The following STAT1 variants were observed in gnomAD, a reference collection of about 807,000 sequenced individuals.
STAT1 encodes signal transducer and activator of transcription 1-alpha/beta.
In STAT1, 24 loss-of-function variants were observed where a neutral mutation model predicts 111.7. That is an observed-to-expected ratio of 0.21 (90% CI 0.16 to 0.30). The LOEUF is 0.30. Among genes scored for constraint, STAT1 ranks in the 10% least tolerant of loss-of-function variants. The pLI is 1.00. For missense variants in STAT1, 351 were observed against 911.9 expected (o/e 0.38, Z 7.92); for synonymous variants, 332 against 326.5 (o/e 1.02, Z -0.18).
intron 11 of STAT1, among the ~76,000 whole-genome samples, 182 bp downstream of exon 11, chr2:190,991,046 C>A (rs956399759): frequency 6.6e-6 from 1 of 152,158 alleles, no homozygotes; most frequent in African/African-American, 2.4e-5. Context: ...ATATCAGTTA[C>A]ATTTCTACTA....
intron 2 of STAT1, among the ~76,000 whole-genome samples, 198 bp downstream of exon 2, chr2:191,013,327 T>C (rs1168064122): frequency 6.6e-6 from 1 of 152,208 alleles, no homozygotes; most frequent in Non-Finnish European, 1.5e-5. Flanking sequence ...CACCTCTGCA[T>C]ACCTACCACA....
In STAT1 at chr2:190,978,448, G is replaced by A. The variant is rs1559006626; in HGVS notation, c.1873+408C>T. The A allele has an allele frequency of 3.6e-6, 1 of 275,364 alleles. No individual in the cohort carries two copies. Among genetic ancestry groups the A allele is most frequent in the East Asian group, 8.3e-5 (1 of 11,998 alleles). 17.1% of individuals were successfully genotyped at this position (275,364 alleles called of 1,614,324 possible). A position where few individuals can be genotyped will look rare whatever the true frequency, so the allele number is the denominator to read the frequency against. On this transcript the variant is annotated intron_variant, in intron 21 of 24. Coordinates refer to ENST00000361099, the MANE Select transcript of STAT1 (RefSeq NM_007315.4). This position sits in a 1 kb window ranked among gnomAD's most constrained non-coding sequence, Gnocchi z 6.1. ...CTGCATCAACTCCCTGGCTGATGAT[G>A]TGTATGAAGTCTTCTCCCGAAGCCT... is the stretch of plus-strand genomic sequence containing the variant.
Position 190,977,807 on chromosome 2 carries a change from A to G in STAT1, c.1874-782T>C, listed in dbSNP as rs1223876030. 6.6e-6 allele frequency among the ~76,000 whole-genome samples: 1 copy of G among 152,132 alleles called. No homozygotes were observed. The highest frequency in any genetic ancestry group is 1.5e-5 in the Non-Finnish European group (1 of 68,024). Reference sequence around the variant, plus strand: ...GTCTCTCAGCTGGTTCAGGAAGGGAACAGGATAAGAGGAAAAGGGCAGGTT... The same window carrying G: ...GTCTCTCAGCTGGTTCAGGAAGGGAGCAGGATAAGAGGAAAAGGGCAGGTT... On this transcript the variant is annotated intron_variant, in intron 21 of 24. Coordinates refer to ENST00000361099, the MANE Select transcript of STAT1 (RefSeq NM_007315.4). This position sits in a 1 kb window ranked among gnomAD's most constrained non-coding sequence, Gnocchi z 4.7.
rs772191053 is a variant in STAT1, at chr2:190,982,361, TAAC to T, written c.1582+19_1582+21del. 3.7e-6 allele frequency: 6 copies of T among 1,613,612 alleles called. No individual in the cohort carries two copies. Among genetic ancestry groups the T allele is most frequent in the African/African-American group, 1.3e-5 (1 of 74,932 alleles). On this transcript the variant is annotated intron_variant, in intron 18 of 24. Coordinates refer to ENST00000361099, the MANE Select transcript of STAT1 (RefSeq NM_007315.4). This position sits in a 1 kb window ranked among gnomAD's most constrained non-coding sequence, Gnocchi z 7.3. ...TTATGAATTTCAATTTTTATAAACA[TAAC>T]AAGTTAATATGCATATACCAAGAAG...
chr2:190,998,619 G>A lies in STAT1; in HGVS notation c.542-311C>T, dbSNP rs904651296. ...GGAGCTTGGAGTGAGCCGAGATCTC[G>A]CCACTGCACTCTAGCCTGGGCGACA... is the stretch of plus-strand genomic sequence containing the variant. On this transcript the variant is annotated intron_variant, in intron 7 of 24. Transcript: ENST00000361099. The surrounding 1 kb of genome is among the most constrained non-coding windows in gnomAD (Gnocchi z 4.1). Among the ~76,000 whole-genome samples the A allele has an allele frequency of 4.0e-5, 6 of 149,852 alleles. No homozygotes were observed. The highest frequency in any genetic ancestry group is 9.8e-5 in the African/African-American group (4 of 40,644).
chr2:190,992,481 A>C (rs1237091526), intron 10 of STAT1, among the ~76,000 whole-genome samples: 1 of 152,236 alleles, frequency 6.6e-6, no homozygotes, highest in Non-Finnish European at 1.5e-5. Context: ...GAATAAAAAA[A>C]AAAAGTCAGT....
Position 190,976,515 on chromosome 2 carries a change from A to C in STAT1, c.2059+325T>G, listed in dbSNP as rs1691916350. ...CCAGGCCTCAGTTTCCTCAACTTTA[A>C]CGTGAGCAAGATGCCTTCTGTTGGT... On this transcript the variant is annotated intron_variant, in intron 22 of 24. Transcript: ENST00000361099. This position sits in a 1 kb window ranked among gnomAD's most constrained non-coding sequence, Gnocchi z 6.0. Among the ~76,000 whole-genome samples, 1 of 152,172 alleles carries C rather than the reference A, an allele frequency of 6.6e-6. No individual in the cohort carries two copies. The highest frequency in any genetic ancestry group is 6.5e-5 in the Admixed American group (1 of 15,274).
In STAT1 at chr2:190,977,097, T is replaced by G; in HGVS notation, c.1874-72A>C. The G allele has an allele frequency of 1.4e-6, 2 of 1,476,606 alleles. No homozygotes were observed. Among genetic ancestry groups the G allele is most frequent in the Non-Finnish European group, 1.9e-6 (2 of 1,057,320 alleles). 91.5% of individuals were successfully genotyped at this position (1,476,606 alleles called of 1,614,324 possible). A position where few individuals can be genotyped will look rare whatever the true frequency, so the allele number is the denominator to read the frequency against. On this transcript the variant is annotated intron_variant, in intron 21 of 24. Coordinates refer to ENST00000361099, the MANE Select transcript of STAT1 (RefSeq NM_007315.4). The surrounding 1 kb of genome is among the most constrained non-coding windows in gnomAD (Gnocchi z 4.7). ...GAAAGAGGACAGAGAAATAAAACAC[T>G]GCAGAGTTGATGGATTTGAGTGAAC...
rs1693240733 is a variant in STAT1 at position 190,990,634 on chromosome 2, C to T, written c.1037+594G>A. Among the ~76,000 whole-genome samples, 1 of 152,072 alleles carries T rather than the reference C, an allele frequency of 6.6e-6. No homozygotes were observed. Among genetic ancestry groups the T allele is most frequent in the African/African-American group, 2.4e-5 (1 of 41,406 alleles). On this transcript the variant is annotated intron_variant, in intron 11 of 24. Transcript: ENST00000361099. The surrounding 1 kb of genome is among the most constrained non-coding windows in gnomAD (Gnocchi z 5.1). ...TCTCTATATGAAATATTTGTGTAGA[C>T]ATGGAATCCTAATTTTTTAAAAAGG...
At chr2:191,005,141 C>A (rs1021185436) in intron 5 of STAT1, among the ~76,000 whole-genome samples, 12 of 152,132 alleles carry the variant, frequency 7.9e-5, no homozygotes, top group Admixed American at 7.9e-4. Context: ...TGAACTAACT[C>A]GGAATTTTGC....
At position 190,982,117 on chromosome 2, in the gene STAT1, T is replaced by C. The variant is rs539142095; in HGVS notation, c.1582+266A>G. On this transcript the variant is annotated intron_variant, in intron 18 of 24. Transcript: ENST00000361099. This position sits in a 1 kb window ranked among gnomAD's most constrained non-coding sequence, Gnocchi z 7.3. ...GCCACAAATAATATATTTTACATAA[T>C]TCATAAAACTTTCCCTTGGGAATTC... Among the ~76,000 whole-genome samples the C allele has an allele frequency of 2.0e-5, 3 of 152,362 alleles. No homozygotes were observed. In the East Asian group the frequency reaches 5.8e-4, roughly 29 times the overall value.
Position 190,971,918 on chromosome 2 carries a change from G to C in STAT1, c.2239-1201C>G, listed in dbSNP as rs1044837701. Among the ~76,000 whole-genome samples, 1 of 152,034 alleles carries C rather than the reference G, an allele frequency of 6.6e-6. No homozygotes were observed. Among genetic ancestry groups the C allele is most frequent in the Non-Finnish European group, 1.5e-5 (1 of 68,002 alleles). On this transcript the variant is annotated intron_variant, in intron 24 of 24. Coordinates refer to ENST00000361099, the MANE Select transcript of STAT1 (RefSeq NM_007315.4). The surrounding 1 kb of genome is among the most constrained non-coding windows in gnomAD (Gnocchi z 4.1). Reference sequence around the variant, plus strand: ...AGTAGAGATGGGGTTTCACCGTGTTGGCCAGGCTGGTCTCAAACTCCTGAT... The same window carrying C: ...AGTAGAGATGGGGTTTCACCGTGTTCGCCAGGCTGGTCTCAAACTCCTGAT...
rs1344534565 is a variant in STAT1, at chr2:190,990,071, T to C, written c.1038-397A>G. Reference sequence around the variant, plus strand: ...TATTAAAACTTGTATCTAATCTTTGTCCTGTTGGGAGACAATAAAAACTAT... The same window carrying C: ...TATTAAAACTTGTATCTAATCTTTGCCCTGTTGGGAGACAATAAAAACTAT... On this transcript the variant is annotated intron_variant, in intron 11 of 24. Coordinates refer to ENST00000361099, the MANE Select transcript of STAT1 (RefSeq NM_007315.4). This position sits in a 1 kb window ranked among gnomAD's most constrained non-coding sequence, Gnocchi z 5.1. Among the ~76,000 whole-genome samples the C allele has an allele frequency of 6.6e-6, 1 of 152,220 alleles. No homozygotes were observed. Among genetic ancestry groups the C allele is most frequent in the Non-Finnish European group, 1.5e-5 (1 of 68,030 alleles).
chr2:190,997,895 C>A lies in STAT1; in HGVS notation c.746G>T (p.Gly249Val). ...ATCCAAGCAAGCATTGGGCGGCCCC[C>A]CAATACAGGCGCTCTGCTGTCTCCG... ...WKRRQQSACI[G>V]GPPNACLDQL... Residue 249 changes from glycine (G) to valine (V), a missense_variant, in exon 9 of 25, where the codon GGG (glycine) becomes GTG (valine). Around this residue, in one of 7 missense-constraint regions of STAT1, gnomAD observed 67 missense variants for 158.9 expected, o/e 0.42. Coordinates refer to ENST00000361099, the MANE Select transcript of STAT1 (RefSeq NM_007315.4). This position sits in a 1 kb window ranked among gnomAD's most constrained non-coding sequence, Gnocchi z 7.3. 6.2e-7 allele frequency: 1 copy of A among 1,614,226 alleles called. No homozygotes were observed. Among genetic ancestry groups the A allele is most frequent in the Non-Finnish European group, 8.5e-7 (1 of 1,180,048 alleles).
At position 190,998,698 on chromosome 2, in the gene STAT1, A is replaced by T. The variant is rs1694036650; in HGVS notation, c.542-390T>A. Among the ~76,000 whole-genome samples, 1 of 151,326 alleles carries T rather than the reference A, an allele frequency of 6.6e-6. No homozygotes were observed. The highest frequency in any genetic ancestry group is 1.5e-5 in the Non-Finnish European group (1 of 67,816). On this transcript the variant is annotated intron_variant, in intron 7 of 24. Coordinates refer to ENST00000361099, the MANE Select transcript of STAT1 (RefSeq NM_007315.4). The surrounding 1 kb of genome is among the most constrained non-coding windows in gnomAD (Gnocchi z 4.1). ...AAAAAAAACAAAAAAAAAACAAAAA[A>T]AACTTGTTTTCAGTGACCCATGTAA...
chr2:191,007,263 A>G lies in STAT1; in HGVS notation c.372+300T>C, dbSNP rs545277524. ...AGAGGCCTTTCCTGACCCTGATCTA[A>G]AGGAACAACCCCACTCCCAGCCACT... On this transcript the variant is annotated intron_variant, in intron 5 of 24. Transcript: ENST00000361099. This position sits in a 1 kb window ranked among gnomAD's most constrained non-coding sequence, Gnocchi z 4.2. Among the ~76,000 whole-genome samples the G allele has an allele frequency of 4.1e-4, 62 of 152,204 alleles. No homozygotes were observed. The highest frequency in any genetic ancestry group is 6.9e-4 in the Non-Finnish European group (47 of 68,008).
chr2:190,991,956 T>G (rs1034483041), intron 10 of STAT1, among the ~76,000 whole-genome samples: 1 of 152,224 alleles, frequency 6.6e-6, no homozygotes, highest in Non-Finnish European at 1.5e-5. Context: ...AGTAATGTTT[T>G]TAAATTTTAA....
rs1181841201 is a variant in STAT1 at position 191,004,168 on chromosome 2, C to T, written c.373-3005G>A. ...CTTCCCTCCACCCTGCCCCCATCTG[C>T]TAAGCAGATGCTTGGCTGCTCCTGT... On this transcript the variant is annotated intron_variant, in intron 5 of 24. Transcript: ENST00000361099. This position sits in a 1 kb window ranked among gnomAD's most constrained non-coding sequence, Gnocchi z 5.0. 6.6e-6 allele frequency among the ~76,000 whole-genome samples: 1 copy of T among 152,204 alleles called. No individual in the cohort carries two copies. Among genetic ancestry groups the T allele is most frequent in the Non-Finnish European group, 1.5e-5 (1 of 68,040 alleles).
At position 190,979,171 on chromosome 2, in the gene STAT1, T is replaced by G. The variant is rs1692143630; in HGVS notation, c.1728-170A>C. 6.6e-6 allele frequency among the ~76,000 whole-genome samples: 1 copy of G among 152,236 alleles called. No homozygotes were observed. The highest frequency in any genetic ancestry group is 1.5e-5 in the Non-Finnish European group (1 of 68,046). On this transcript the variant is annotated intron_variant, in intron 20 of 24. Transcript: ENST00000361099. The surrounding 1 kb of genome is among the most constrained non-coding windows in gnomAD (Gnocchi z 5.8). ...TTGACACTTAAGGAAGCATTTCACT[T>G]ATACATGTATATACTAAGGTTTTAA...
Sources: allele counts gnomAD v4.1 joint callset (sites outside exome capture counted in the v4.1 genomes callset), GRCh38; gene constraint gnomAD v4.1.1; regional missense constraint gnomAD v4.1.1; non-coding constraint Gnocchi (gnomAD v3.1); transcripts MANE v1.5; gene names NCBI Gene and HGNC (gene_info 2026-07-23, HGNC 2026-07-21).